MAD1L1: variants seen among roughly 807,000 people sequenced by gnomAD.
The protein encoded by MAD1L1 is mitotic spindle assembly checkpoint protein MAD1.
In MAD1L1, 95 loss-of-function variants were observed where a neutral mutation model predicts 96.9. The observed-to-expected ratio is 0.98, with a 90% CI of 0.83 to 1.16. The LOEUF is 1.16. Among genes scored for constraint, MAD1L1 ranks in the 50% most tolerant of loss-of-function variants. The probability of loss-of-function intolerance (pLI) is 0.00; values close to 1 mark genes in which losing one functional copy is unlikely to be tolerated. For synonymous variants in MAD1L1, 473 were observed against 396.6 expected (o/e 1.19, Z -2.29); for missense variants, 1,007 against 954.4 (o/e 1.06, Z -0.73).
At chr7:2,166,405 T>G (rs1790429411) in intron 10 of MAD1L1, among the ~76,000 whole-genome samples, 1 of 152,166 alleles carries the variant, frequency 6.6e-6, no homozygotes, top group African/African-American at 2.4e-5. Context: ...GGGTTCCAAT[T>G]AAGCCCGTGT....
intron 17 of MAD1L1, among the ~76,000 whole-genome samples, chr7:1,910,929 C>T (rs550248978): frequency 2.7e-4 from 41 of 152,316 alleles, no homozygotes; most frequent in African/African-American, 9.9e-4. Context: ...GCCACAGTGT[C>T]TCTCTCCTGA....
intron 16 of MAD1L1, among the ~76,000 whole-genome samples, chr7:1,952,750 C>T (rs6946049): frequency 5.3e-4 from 80 of 152,300 alleles, no homozygotes; most frequent in African/African-American, 1.9e-3. Context: ...CTTCCCGAGG[C>T]CACCAGGTAA....
chr7:2,162,871 TC>T (rs752138861), intron 10 of MAD1L1, among the ~76,000 whole-genome samples: 3,194 of 141,658 alleles, frequency 0.023, 67 homozygotes, highest in African/African-American at 0.053. Context: ...TGGAGTTTCA[TC>T]TTTTTTTTTT....
chr7:2,213,276 G>C lies in MAD1L1; in HGVS notation c.925-3C>G. On this transcript the variant is annotated splice_polypyrimidine_tract_variant and splice_region_variant and intron_variant, in intron 9 of 18. Coordinates refer to ENST00000265854, the MANE Select transcript of MAD1L1 (RefSeq NM_001013836.2). Reference sequence around the variant, plus strand: ...CTTTGCAGCTTGGCCAGCAGCCTCTGAAAAGACAACAAAAGCACAGACCCT... The same window carrying C: ...CTTTGCAGCTTGGCCAGCAGCCTCTCAAAAGACAACAAAAGCACAGACCCT... The C allele has an allele frequency of 6.2e-7, 1 of 1,614,048 alleles. No individual in the cohort carries two copies. The highest frequency in any genetic ancestry group is 8.5e-7 in the Non-Finnish European group (1 of 1,179,982).
At chr7:1,942,670 T>C (rs1779055321) in intron 16 of MAD1L1, among the ~76,000 whole-genome samples, 2 of 152,056 alleles carry the variant, frequency 1.3e-5, no homozygotes, top group Non-Finnish European at 2.9e-5. Context: ...AAACATCCCA[T>C]GTCTCGGATC....
intron 3 of MAD1L1, among the ~76,000 whole-genome samples, chr7:2,226,752 G>A (rs1053816779): frequency 2.0e-5 from 3 of 152,218 alleles, no homozygotes; most frequent in African/African-American, 7.2e-5. Flanking sequence ...TACTTTGAGA[G>A]GCCAAGGCGG....
At chr7:2,072,008 C>T (rs1785155378) in intron 11 of MAD1L1, among the ~76,000 whole-genome samples, 1 of 152,232 alleles carries the variant, frequency 6.6e-6, no homozygotes, top group Non-Finnish European at 1.5e-5. Context: ...GGTGAACATA[C>T]GTTTCCTTGA....
intron 18 of MAD1L1, among the ~76,000 whole-genome samples, chr7:1,818,567 T>G (rs527764944): frequency 3.3e-5 from 5 of 151,766 alleles, no homozygotes; most frequent in African/African-American, 1.2e-4. Context: ...TTTTGAGAGA[T>G]AGATAGACTT....
At chr7:1,960,033 A>G (rs1779888475) in intron 15 of MAD1L1, among the ~76,000 whole-genome samples, 1 of 152,242 alleles carries the variant, frequency 6.6e-6, no homozygotes, top group Non-Finnish European at 1.5e-5. Context: ...AACAGTATAA[A>G]GGCTGGAGGA....
chr7:1,895,471 C>G (rs965369875), intron 18 of MAD1L1, among the ~76,000 whole-genome samples: 2 of 152,228 alleles, frequency 1.3e-5, no homozygotes, highest in Non-Finnish European at 2.9e-5. Context: ...CTCTCAGCCC[C>G]GCCTGCAAAC....
intron 17 of MAD1L1, among the ~76,000 whole-genome samples, chr7:1,917,934 G>A (rs1773414774): frequency 6.6e-6 from 1 of 152,172 alleles, no homozygotes; most frequent in South Asian, 2.1e-4. Flanking sequence ...CCCTGACTGT[G>A]TTGCATCAGG....
chr7:1,821,602 A>G (rs1321808495), intron 18 of MAD1L1, among the ~76,000 whole-genome samples: 1 of 152,174 alleles, frequency 6.6e-6, no homozygotes, highest in Non-Finnish European at 1.5e-5. Context: ...AGTGGGATTC[A>G]GTTTAGGTGT....
At chr7:2,081,945 G>C (rs1299934588) in intron 11 of MAD1L1, among the ~76,000 whole-genome samples, 2 of 152,234 alleles carry the variant, frequency 1.3e-5, no homozygotes, top group African/African-American at 4.8e-5. Context: ...ATAACAGCAA[G>C]GTAGCAGCTT....
intron 10 of MAD1L1, 135 bp from the exon 11 acceptor site, chr7:2,149,373 C>A: frequency 1.4e-6 from 1 of 723,604 alleles, no homozygotes. Context: ...CTCTGTGGAC[C>A]CAGGTCCAGG....
intron 10 of MAD1L1, among the ~76,000 whole-genome samples, chr7:2,169,474 C>G (rs910424117): frequency 2.6e-5 from 4 of 152,178 alleles, no homozygotes; most frequent in African/African-American, 9.7e-5. Flanking sequence ...AAAAAAAAAT[C>G]TCTTGCTCCA....
chr7:2,043,648 G>A (rs1412227740), intron 12 of MAD1L1, among the ~76,000 whole-genome samples: 1 of 152,192 alleles, frequency 6.6e-6, no homozygotes, highest in Non-Finnish European at 1.5e-5. Context: ...GCCTGGGGGG[G>A]CTGGGGATCC....
In MAD1L1 at chr7:1,901,578, A is replaced by G. The variant is rs186096219; in HGVS notation, c.1808-3188T>C. Among the ~76,000 whole-genome samples the G allele has an allele frequency of 2.0e-3, 308 of 152,346 alleles. 5 individuals are homozygous for G. Among genetic ancestry groups the G allele is most frequent in the Admixed American group, 0.013 (198 of 15,308 alleles). ...CAGTGGTGCAGCCTTCAGCGCTCCC[A>G]TCCCCTGCCCAGCCCGGCTCGCTGT... On this transcript the variant is annotated intron_variant, in intron 17 of 18. Coordinates refer to ENST00000265854, the MANE Select transcript of MAD1L1 (RefSeq NM_001013836.2).
chr7:1,868,605 TC>T (rs1161925606), intron 18 of MAD1L1, among the ~76,000 whole-genome samples: 2 of 152,118 alleles, frequency 1.3e-5, no homozygotes, highest in African/African-American at 4.8e-5. Flanking sequence ...GGCTTGGATT[TC>T]TCCAGCGCGT....
chr7:1,831,655 G>T (rs896911321), intron 18 of MAD1L1, among the ~76,000 whole-genome samples: 6 of 152,128 alleles, frequency 3.9e-5, no homozygotes, highest in Non-Finnish European at 7.3e-5. Flanking sequence ...AAATCACAAG[G>T]GCTATTCCAA....
Sources: allele counts gnomAD v4.1 joint callset (sites outside exome capture counted in the v4.1 genomes callset), GRCh38; gene constraint gnomAD v4.1.1; transcripts MANE v1.5; gene names NCBI Gene and HGNC (gene_info 2026-07-23, HGNC 2026-07-21).